The following ZNF398 variants were observed in gnomAD, a reference collection of about 807,000 sequenced individuals.
The protein encoded by ZNF398 is zinc finger DNA binding protein ZER6.
In ZNF398, 18 loss-of-function variants were observed where a neutral mutation model predicts 41.9. That is an observed-to-expected ratio of 0.43 (90% CI 0.30 to 0.64). ZNF398 has a LOEUF of 0.64. ZNF398 is among the 30% of genes least tolerant of loss of function. The pLI is 0.14. For missense variants in ZNF398, 669 were observed against 822.8 expected, an observed-to-expected ratio of 0.81 and a Z score of 2.29; for synonymous variants, 260 against 308.8, an observed-to-expected ratio of 0.84 and a Z score of 1.66.
chr7:149,166,945 A>G lies in ZNF398; in HGVS notation c.661+15A>G. 1 of 1,556,822 alleles carries G rather than the reference A, an allele frequency of 6.4e-7. No individual in the cohort carries two copies. Among genetic ancestry groups the G allele is most frequent in the Non-Finnish European group, 8.8e-7 (1 of 1,134,308 alleles). Reference sequence around the variant, plus strand: ...CCCCAGTGAAGGTAAGTGGGAGAAGAGATTCCTACTTCTTGTCTCCCTTTC... The same window carrying G: ...CCCCAGTGAAGGTAAGTGGGAGAAGGGATTCCTACTTCTTGTCTCCCTTTC... On this transcript the variant is annotated intron_variant, in intron 4 of 5. Coordinates refer to ENST00000475153, the MANE Select transcript of ZNF398 (RefSeq NM_170686.3).
rs1826988810 is a variant in ZNF398 at position 149,147,760 on chromosome 7, G to A, written c.18G>A (p.Pro6=). 6 of 1,386,888 alleles carry A rather than the reference G, an allele frequency of 4.3e-6. No individual in the cohort carries two copies. The highest frequency in any genetic ancestry group is 3.0e-5 in the East Asian group (1 of 33,142). 85.9% of individuals were successfully genotyped at this position (1,386,888 alleles called of 1,614,324 possible). ...GCAGGGCCATGGCTGAGGCGGCCCC[G>A]GCCCCGGTAAGGGCGGCCGCGCGCG... The part of the protein sequence containing the change: MAEAA[P]APTSEWDSEC... Residue 6 remains proline (P), a synonymous_variant, in exon 1 of 6, where the codon CCG becomes CCA. Transcript: ENST00000475153. The surrounding 1 kb of genome is among the most constrained non-coding windows in gnomAD (Gnocchi z 5.6).
intron 2 of ZNF398, among the ~76,000 whole-genome samples, chr7:149,164,474 G>A (rs950121280): frequency 6.6e-6 from 1 of 152,054 alleles, no homozygotes; most frequent in Admixed American, 6.6e-5. Flanking sequence ...GTCAAAGAAC[G>A]AAACTTTCAA....
At chr7:149,148,043 G>C in intron 1 of ZNF398, 1 of 361,694 alleles carries the variant, frequency 2.8e-6, no homozygotes, top group Non-Finnish European at 4.9e-6. Flanking sequence ...TTGAAGTCGA[G>C]GGGGTGCCTG....
At chr7:149,133,329 G>C (rs1017795224) in intron 2 of ZNF398, among the ~76,000 whole-genome samples, 3 of 152,010 alleles carry the variant, frequency 2.0e-5, no homozygotes, top group Non-Finnish European at 4.4e-5. Context: ...GGCTAGGCTG[G>C]TCTGGAACTC....
rs749857676 is a variant in ZNF398 at position 149,182,370 on chromosome 7, T to G, written c.*2569T>G. The G allele has an allele frequency of 2.0e-5, 3 of 152,212 alleles. No homozygotes were observed. Among genetic ancestry groups the G allele is most frequent in the Non-Finnish European group, 4.4e-5 (3 of 68,050 alleles). The allele number at this position is 152,212 out of a possible 1,614,324, so 9.4% of individuals were successfully genotyped here. On this transcript the variant is annotated 3_prime_UTR_variant, in exon 6 of 6. Coordinates refer to ENST00000475153, the MANE Select transcript of ZNF398 (RefSeq NM_170686.3). ...TTTTCTTTCATCAATCCCCTATCAG[T>G]TAGAACTGCAGGCCAGTTCCAAAGA...
intron 4 of ZNF398, among the ~76,000 whole-genome samples, chr7:149,173,191 G>A (rs566479087): frequency 1.0e-4 from 14 of 135,866 alleles, no homozygotes; most frequent in Non-Finnish European, 1.8e-4. Flanking sequence ...TGCAACCTCC[G>A]ACTCCTAGGT....
In ZNF398 at chr7:149,138,135, A is replaced by G. The variant is rs565916749; in HGVS notation, c.-490+9191A>G. Among the ~76,000 whole-genome samples the G allele has an allele frequency of 2.0e-5, 3 of 151,024 alleles. No individual in the cohort carries two copies. In the South Asian group the frequency reaches 6.4e-4, roughly 32 times the overall value. ...AGAATAGCTTGAACCCGGGAGGCAG[A>G]GGTTGTGATGAGCTGAGATCAGGCC... is the stretch of plus-strand genomic sequence containing the variant. On this transcript the variant is annotated intron_variant, in intron 2 of 6. Transcript: ENST00000426851.
In ZNF398 at chr7:149,178,673, A is replaced by T. The variant is rs776343314; in HGVS notation, c.801A>T (p.Glu267Asp). 1.2e-5 allele frequency: 20 copies of T among 1,613,718 alleles called. No homozygotes were observed. Among genetic ancestry groups the T allele is most frequent in the Non-Finnish European group, 1.7e-5 (20 of 1,179,884 alleles). ...ATGAAGAGCTTGTCATCAAAGCTGAAGGCCTTGCTAGATCCTCGTTGTGCC... is the reference window on the plus strand; with the variant it reads ...ATGAAGAGCTTGTCATCAAAGCTGATGGCCTTGCTAGATCCTCGTTGTGCC... Reference protein sequence around the residue: ...YADEELVIKAEGLARSSLCPE... With the variant: ...YADEELVIKADGLARSSLCPE... Residue 267 changes from glutamate to aspartate, a missense_variant, in exon 6 of 6, where the codon GAA (glutamate) becomes GAT (aspartate). Glu to Asp is a conservative substitution (Grantham distance 45). Around this residue, in one of 3 missense-constraint regions of ZNF398, gnomAD observed 290 missense variants for 292.9 expected, o/e 0.99. Coordinates refer to ENST00000475153, the MANE Select transcript of ZNF398 (RefSeq NM_170686.3).
chr7:149,164,543 A>G (rs28508578), intron 2 of ZNF398, among the ~76,000 whole-genome samples: 6,947 of 152,302 alleles, frequency 0.046, 516 homozygotes, highest in African/African-American at 0.16. Context: ...AGAAAGGGAA[A>G]GGAAAAAGAT....
chr7:149,159,801 C>T (rs1353714310), intron 2 of ZNF398, among the ~76,000 whole-genome samples: 2 of 151,936 alleles, frequency 1.3e-5, no homozygotes. Flanking sequence ...AGTCTCCACT[C>T]ACTTCAGCCT....
At chr7:149,153,367 A>G (rs1488063021) in intron 1 of ZNF398, among the ~76,000 whole-genome samples, 2 of 152,100 alleles carry the variant, frequency 1.3e-5, no homozygotes, top group African/African-American at 2.4e-5. Context: ...AAATTTCGTT[A>G]TGTTGGTTCT....
At position 149,181,372 on chromosome 7, in the gene ZNF398, T is replaced by C. The variant is rs1795586562; in HGVS notation, c.*1571T>C. 6.6e-6 allele frequency: 1 copy of C among 152,198 alleles called. No homozygotes were observed. Among genetic ancestry groups the C allele is most frequent in the African/African-American group, 2.4e-5 (1 of 41,456 alleles). 9.4% of individuals were successfully genotyped at this position (152,198 alleles called of 1,614,324 possible). A position where few individuals can be genotyped will look rare whatever the true frequency, so the allele number is the denominator to read the frequency against. On this transcript the variant is annotated 3_prime_UTR_variant, in exon 6 of 6. Coordinates refer to ENST00000475153, the MANE Select transcript of ZNF398 (RefSeq NM_170686.3). ...TGAGGTAGAAGACAGAATGCAGAAGTCTTACATCTTGGGCAGGAAACTGGT... is the reference window on the plus strand; with the variant it reads ...TGAGGTAGAAGACAGAATGCAGAAGCCTTACATCTTGGGCAGGAAACTGGT...
chr7:149,178,784 A>G lies in ZNF398; in HGVS notation c.912A>G (p.Thr304=). 3.1e-6 allele frequency: 5 copies of G among 1,614,162 alleles called. No homozygotes were observed. The highest frequency in any genetic ancestry group is 4.2e-6 in the Non-Finnish European group (5 of 1,180,030). Residue 304 remains threonine (T), a synonymous_variant, in exon 6 of 6, where the codon ACA becomes ACG. Transcript: ENST00000475153. ...SDVAFKSQQS[T]SMTPFGRPAT... The stretch of plus-strand genomic sequence containing the variant: ...TGGCTTTCAAAAGCCAGCAGTCTAC[A>G]TCCATGACACCTTTTGGACGTCCAG...
chr7:149,159,498 A>G (rs1258125804), intron 2 of ZNF398, among the ~76,000 whole-genome samples: 1 of 151,538 alleles, frequency 6.6e-6, no homozygotes, highest in African/African-American at 2.4e-5. Context: ...TACAAAAAAA[A>G]TTAGCCGGGC....
chr7:149,131,559 G>A (rs939985806), intron 2 of ZNF398, among the ~76,000 whole-genome samples: 11 of 152,054 alleles, frequency 7.2e-5, no homozygotes, highest in Non-Finnish European at 1.0e-4. Context: ...GGTGGCGGAC[G>A]CCTGTAGTCC....
chr7:149,160,335 G>A, intron 2 of ZNF398, among the ~76,000 whole-genome samples: 1 of 152,160 alleles, frequency 6.6e-6, no homozygotes, highest in Non-Finnish European at 1.5e-5. Context: ...GGAGGCTGAG[G>A]CAGGAGAATG....
chr7:149,129,576 C>T (rs1166946688), intron 2 of ZNF398, among the ~76,000 whole-genome samples: 1 of 151,900 alleles, frequency 6.6e-6, no homozygotes, highest in African/African-American at 2.4e-5. Context: ...CACAGGGTTT[C>T]ACCATATTGG....
At chr7:149,151,923 G>T (rs1233476295) in intron 1 of ZNF398, among the ~76,000 whole-genome samples, 1 of 151,682 alleles carries the variant, frequency 6.6e-6, no homozygotes, top group Non-Finnish European at 1.5e-5. Flanking sequence ...ATCCATCTTA[G>T]ACTTTAAAAT....
chr7:149,130,858 T>C (rs1826581077), intron 2 of ZNF398, among the ~76,000 whole-genome samples: 1 of 152,184 alleles, frequency 6.6e-6, no homozygotes, highest in Non-Finnish European at 1.5e-5. Flanking sequence ...CAGGCTAAAA[T>C]GAGCGGCTTC....
Sources: allele counts gnomAD v4.1 joint callset (sites outside exome capture counted in the v4.1 genomes callset), GRCh38; gene constraint gnomAD v4.1.1; regional missense constraint gnomAD v4.1.1; non-coding constraint Gnocchi (gnomAD v3.1); transcripts MANE v1.5; gene names NCBI Gene and HGNC (gene_info 2026-07-23, HGNC 2026-07-21).